Variants in CCDC7 observed in about 807,000 individuals in gnomAD.
CCDC7 encodes coiled-coil domain containing 7, also known as coiled-coil domain-containing protein 7.
Under a neutral mutation model 196.9 loss-of-function variants are expected in CCDC7, and 183 were observed. The observed-to-expected ratio is 0.93, with a 90% CI of 0.82 to 1.05. The LOEUF (loss-of-function observed/expected upper bound fraction) is 1.05, where lower values mean the gene tolerates loss of function less well. Among genes scored for constraint, CCDC7 ranks in the 50% least tolerant of loss-of-function variants. The pLI is 0.00. For synonymous variants in CCDC7, 525 were observed against 484.6 expected (o/e 1.08, Z -1.10); for missense variants, 1,540 against 1,482.2 (o/e 1.04, Z -0.64).
chr10:32,739,041 C>A (rs1320145399), intron 28 of CCDC7, among the ~76,000 whole-genome samples: 1 of 151,964 alleles, frequency 6.6e-6, no homozygotes, highest in Admixed American at 6.6e-5. Flanking sequence ...GTTTTTCCCA[C>A]CTCTTTTATC....
At chr10:32,833,014 A>T (rs1012226322) in intron 32 of CCDC7, among the ~76,000 whole-genome samples, 8 of 152,118 alleles carry the variant, frequency 5.3e-5, no homozygotes, top group Admixed American at 2.0e-4. Context: ...AATAAAAAGA[A>T]CCAGAAACTA....
At chr10:32,702,545 G>T (rs2141583049) in intron 24 of CCDC7, among the ~76,000 whole-genome samples, 1 of 152,302 alleles carries the variant, frequency 6.6e-6, no homozygotes, top group Middle Eastern at 3.4e-3. Flanking sequence ...TCCGCTTGGT[G>T]CAGAGCTGAG....
At chr10:32,704,891 A>G (rs2079428306) in intron 24 of CCDC7, among the ~76,000 whole-genome samples, 1 of 151,998 alleles carries the variant, frequency 6.6e-6, no homozygotes, top group Admixed American at 6.5e-5. Context: ...GAGTGACTCG[A>G]TTTTCCAGGT....
chr10:32,813,434 GA>G (rs1247244033), intron 30 of CCDC7, among the ~76,000 whole-genome samples: 1 of 152,132 alleles, frequency 6.6e-6, no homozygotes, highest in Non-Finnish European at 1.5e-5. Context: ...AGGGACCTCA[GA>G]GGGCAGTTTT....
intron 13 of CCDC7, among the ~76,000 whole-genome samples, chr10:32,553,475 G>A (rs1011520002): frequency 6.6e-6 from 1 of 152,040 alleles, no homozygotes; most frequent in Non-Finnish European, 1.5e-5. Context: ...ATTTTTGTGG[G>A]GAATGTTAAA....
chr10:32,469,232 G>A (rs2037452102), intron 5 of CCDC7, among the ~76,000 whole-genome samples: 1 of 150,826 alleles, frequency 6.6e-6, no homozygotes, highest in South Asian at 2.1e-4. Flanking sequence ...AAGAATTATT[G>A]TAACAGAGGA....
intron 29 of CCDC7, among the ~76,000 whole-genome samples, chr10:32,797,756 C>CTT (rs2083916475): frequency 6.6e-6 from 1 of 151,680 alleles, no homozygotes; most frequent in Admixed American, 6.6e-5. Context: ...GCCACTTCCA[C>CTT]CCCTTGATTA....
Position 32,556,983 on chromosome 10 carries a change from T to C in CCDC7, c.1135-8575T>C, listed in dbSNP as rs1477079762. On this transcript the variant is annotated intron_variant, in intron 13 of 41. Coordinates refer to ENST00000639629, the Ensembl canonical transcript of CCDC7. ...TGTTTCCTCAGCAGCTCATTGGTCA[T>C]GTGTTGAAATCGCTTGTGCAGTTGT... 4.6e-5 allele frequency among the ~76,000 whole-genome samples: 7 copies of C among 152,390 alleles called. No homozygotes were observed. In the East Asian group the frequency reaches 9.6e-4, roughly 21 times the overall value.
intron 20 of CCDC7, among the ~76,000 whole-genome samples, chr10:32,642,689 A>G (rs537018457): frequency 6.6e-6 from 1 of 152,304 alleles, no homozygotes; most frequent in Non-Finnish European, 1.5e-5. Flanking sequence ...GACACTCCGC[A>G]GTGTGATGAA....
At chr10:32,561,695 G>A (rs2055670851) in intron 13 of CCDC7, among the ~76,000 whole-genome samples, 1 of 152,196 alleles carries the variant, frequency 6.6e-6, no homozygotes, top group Admixed American at 6.5e-5. Context: ...ACAAGAGAAA[G>A]CAGGAAAGAT....
chr10:32,691,152 C>T (rs1463271346), intron 23 of CCDC7, among the ~76,000 whole-genome samples: 3 of 152,068 alleles, frequency 2.0e-5, no homozygotes, highest in Admixed American at 6.6e-5. Flanking sequence ...TCTTTATTTT[C>T]GAGAGCATGA....
chr10:32,703,105 A>C (rs886858087), intron 24 of CCDC7, among the ~76,000 whole-genome samples: 2 of 152,202 alleles, frequency 1.3e-5, no homozygotes, highest in Non-Finnish European at 2.9e-5. Context: ...GTTTCTTCCT[A>C]GCATTGATGG....
At chr10:32,621,285 C>T (rs191393700) in intron 18 of CCDC7, among the ~76,000 whole-genome samples, 22 of 152,152 alleles carry the variant, frequency 1.4e-4, no homozygotes, top group Non-Finnish European at 2.8e-4. Context: ...ACCGCTGTCT[C>T]TTCTTTATAC....
intron 41 of CCDC7, among the ~76,000 whole-genome samples, chr10:32,870,079 C>T (rs2094370650): frequency 6.6e-6 from 1 of 152,022 alleles, no homozygotes; most frequent in Non-Finnish European, 1.5e-5. Context: ...GCAATGCGGG[C>T]TCTTTTTTGG....
chr10:32,775,597 A>G (rs989100745), intron 28 of CCDC7, among the ~76,000 whole-genome samples: 4 of 152,210 alleles, frequency 2.6e-5, no homozygotes, highest in Non-Finnish European at 5.9e-5. Context: ...CCATGGTCCT[A>G]GATCATAGAG....
chr10:32,876,641 C>A (rs1186310515), downstream of CCDC7: 2 of 339,900 alleles, frequency 5.9e-6, no homozygotes, highest in East Asian at 1.0e-4. Flanking sequence ...AGAAGTTATG[C>A]AATTATCTTT....
chr10:32,703,406 C>T lies in CCDC7; in HGVS notation c.2459-8214C>T, dbSNP rs545243027. On this transcript the variant is annotated intron_variant, in intron 24 of 41. Transcript: ENST00000639629. ...TCCGCTATTAGTCTGATGGGCTTCC[C>T]TTTGTGGGTAACGCGACATTTCTTT... 5.3e-5 allele frequency among the ~76,000 whole-genome samples: 8 copies of T among 152,160 alleles called. No homozygotes were observed. The South Asian group carries it at 1.7e-3, about 32-fold the overall frequency.
intron 28 of CCDC7, among the ~76,000 whole-genome samples, chr10:32,733,883 C>T (rs1054304751): frequency 1.8e-4 from 28 of 152,026 alleles, no homozygotes; most frequent in African/African-American, 6.5e-4. Context: ...AGTGAGATAC[C>T]ATCTCACACT....
chr10:32,584,319 T>C lies in CCDC7; in HGVS notation c.1801+15T>C. On this transcript the variant is annotated intron_variant, in intron 18 of 41. Coordinates refer to ENST00000639629, the Ensembl canonical transcript of CCDC7. ...AAAATCTCAAGGTAAAAAGACTCTG[T>C]TTTGGAAGATGAAAATGTGATTGAA... The C allele has an allele frequency of 6.5e-7, 1 of 1,535,082 alleles. No homozygotes were observed. The highest frequency in any genetic ancestry group is 9.0e-7 in the Non-Finnish European group (1 of 1,114,568).
Sources: allele counts gnomAD v4.1 joint callset (sites outside exome capture counted in the v4.1 genomes callset), GRCh38; gene constraint gnomAD v4.1.1; transcripts MANE v1.5; gene names NCBI Gene and HGNC (gene_info 2026-07-23, HGNC 2026-07-21).